The following ADGRA3 variants were observed in gnomAD, a reference collection of about 807,000 sequenced individuals.
ADGRA3 encodes the protein adhesion G protein-coupled receptor A3.
In ADGRA3, 56 loss-of-function variants were observed where a neutral mutation model predicts 119.8. That is an observed-to-expected ratio of 0.47 (90% CI 0.38 to 0.58). ADGRA3 has a LOEUF of 0.58. Among genes scored for constraint, ADGRA3 ranks in the 20% least tolerant of loss-of-function variants. The pLI is 0.00. For missense variants in ADGRA3, 1,516 were observed against 1,649.0 expected, an observed-to-expected ratio of 0.92 and a Z score of 1.40; for synonymous variants, 607 against 623.8, an observed-to-expected ratio of 0.97 and a Z score of 0.40.
rs562864844 is a variant in ADGRA3 at position 22,442,793 on chromosome 4, G to C, written c.777C>G (p.Ser259Arg). Residue 259 changes from serine (S) to arginine (R), a missense_variant, in exon 7 of 19, where the codon AGC becomes AGG. By Grantham distance (110) the Ser-to-Arg change is moderately radical (BLOSUM62 -1). This residue lies in a region of ADGRA3 where 428 missense variants were observed against 541.9 expected (regional missense o/e 0.79). Coordinates refer to ENST00000334304, the MANE Select transcript of ADGRA3 (RefSeq NM_145290.4). Reference sequence around the variant, plus strand: ...ATGAAGCCATGCACTGGAAAGGAAGGCTGTCTCCTTCAAACACAACTTGGC... The same window carrying C: ...ATGAAGCCATGCACTGGAAAGGAAGCCTGTCTCCTTCAAACACAACTTGGC... ...SHRQVVFEGD[S>R]LPFQCMASYI... 2 of 1,612,102 alleles carry C rather than the reference G, an allele frequency of 1.2e-6. No homozygotes were observed. The highest frequency in any genetic ancestry group is 1.7e-6 in the Non-Finnish European group (2 of 1,178,338).
At chr4:22,405,354 A>G (rs559849604) in intron 14 of ADGRA3, among the ~76,000 whole-genome samples, 1 of 152,186 alleles carries the variant, frequency 6.6e-6, no homozygotes, top group South Asian at 2.1e-4. Flanking sequence ...AGCCTGAGCA[A>G]CACAGTGAGA....
chr4:22,451,913 G>C (rs1717058513), intron 4 of ADGRA3, among the ~76,000 whole-genome samples: 1 of 152,060 alleles, frequency 6.6e-6, no homozygotes, highest in Non-Finnish European at 1.5e-5. Flanking sequence ...CTACTCATTG[G>C]ACTGAGAAAA....
intron 2 of ADGRA3, among the ~76,000 whole-genome samples, chr4:22,471,591 A>G (rs1490738160): frequency 6.6e-6 from 1 of 152,188 alleles, no homozygotes; most frequent in Non-Finnish European, 1.5e-5. Flanking sequence ...GACTGAGGCC[A>G]GGACTCCGGT....
Position 22,388,096 on chromosome 4 carries a change from T to C in ADGRA3, c.3575A>G (p.Tyr1192Cys). 1 of 1,614,190 alleles carries C rather than the reference T, an allele frequency of 6.2e-7. No individual in the cohort carries two copies. The highest frequency in any genetic ancestry group is 1.3e-5 in the African/African-American group (1 of 75,074). ...SRLTVLREYA[Y>C]DVPTSVEGSV... ...TCCTTCCACGCTCGTTGGGACATCGTAGGCATATTCTCTCAGGACTGTGAG... is the reference window on the plus strand; with the variant it reads ...TCCTTCCACGCTCGTTGGGACATCGCAGGCATATTCTCTCAGGACTGTGAG... The change falls in exon 19 of 19, where the codon TAC (tyrosine) becomes TGC (cysteine). Residue 1192 changes from tyrosine (Y) to cysteine (C), a missense_variant. Tyr to Cys is a radical substitution (Grantham distance 194). Around this residue, in one of 2 missense-constraint regions of ADGRA3, gnomAD observed 1,088 missense variants for 1,107.1 expected, o/e 0.98. Coordinates refer to ENST00000334304, the MANE Select transcript of ADGRA3 (RefSeq NM_145290.4).
At chr4:22,506,837 G>A (rs1251805514) in intron 1 of ADGRA3, among the ~76,000 whole-genome samples, 1 of 152,088 alleles carries the variant, frequency 6.6e-6, no homozygotes, top group Non-Finnish European at 1.5e-5. Context: ...ATAAATGTAA[G>A]CTAAACTGTA....
At chr4:22,488,788 T>C (rs1718526959) in intron 1 of ADGRA3, among the ~76,000 whole-genome samples, 1 of 151,986 alleles carries the variant, frequency 6.6e-6, no homozygotes, top group African/African-American at 2.4e-5. Context: ...TTACTTTAAT[T>C]CAGTAAACAA....
At chr4:22,414,606 C>T (rs1005975825) in intron 12 of ADGRA3, 20 of 699,112 alleles carry the variant, frequency 2.9e-5, no homozygotes, top group Non-Finnish European at 4.7e-5. Flanking sequence ...CGGAATTTCC[C>T]CTTAAGAAAC....
chr4:22,450,097 A>G (rs1456124929), intron 4 of ADGRA3, among the ~76,000 whole-genome samples: 1 of 152,164 alleles, frequency 6.6e-6, no homozygotes, highest in African/African-American at 2.4e-5. Context: ...ATATTTTACA[A>G]CATTACAATC....
rs1404593745 is a variant in ADGRA3 at position 22,503,349 on chromosome 4, TAAGAA to T, written c.257+12174_257+12178del. On this transcript the variant is annotated intron_variant, in intron 1 of 18. Coordinates refer to ENST00000334304, the MANE Select transcript of ADGRA3 (RefSeq NM_145290.4). ...AGTCAATCTCTCTTTGCCTTTCTCA[TAAGAA>T]AAGAATCAGGAAGAATTGCACAATA... Among the ~76,000 whole-genome samples the T allele has an allele frequency of 2.0e-5, 3 of 152,208 alleles. No individual in the cohort carries two copies. In the East Asian group the frequency reaches 5.8e-4, roughly 29 times the overall value.
At chr4:22,506,447 G>A (rs928056528) in intron 1 of ADGRA3, among the ~76,000 whole-genome samples, 1 of 152,120 alleles carries the variant, frequency 6.6e-6, no homozygotes, top group African/African-American at 2.4e-5. Context: ...CAGCTACTCG[G>A]GAAGCTGAGG....
At chr4:22,446,085 CAAT>C (rs1336366046) in intron 5 of ADGRA3, among the ~76,000 whole-genome samples, 9 of 152,130 alleles carry the variant, frequency 5.9e-5, no homozygotes, top group African/African-American at 1.9e-4. Flanking sequence ...CAACAAAGTG[CAAT>C]AATGTTTAAG....
intron 11 of ADGRA3, 82 bp downstream of exon 11, chr4:22,424,109 G>C (rs771708177): frequency 4.0e-5 from 48 of 1,187,146 alleles, no homozygotes; most frequent in Non-Finnish European, 5.4e-5. Flanking sequence ...CCCCATAATG[G>C]AGAAGACACC....
intron 10 of ADGRA3, among the ~76,000 whole-genome samples, chr4:22,425,991 A>T (rs1715916847): frequency 6.6e-6 from 1 of 152,212 alleles, no homozygotes; most frequent in Admixed American, 6.5e-5. Flanking sequence ...ACAGATAATA[A>T]TAGTCCTGTC....
chr4:22,412,182 T>G (rs1039806403), intron 14 of ADGRA3, among the ~76,000 whole-genome samples: 1 of 152,170 alleles, frequency 6.6e-6, no homozygotes, highest in Non-Finnish European at 1.5e-5. Flanking sequence ...CAGAGTAACC[T>G]CAAACCATTT....
intron 7 of ADGRA3, among the ~76,000 whole-genome samples, chr4:22,439,929 A>T (rs540515085): frequency 4.1e-4 from 62 of 152,290 alleles, no homozygotes; most frequent in African/African-American, 1.4e-3. Context: ...TCTATATTCA[A>T]ATACTTTAGT....
At chr4:22,508,532 C>A (rs115443236) in intron 1 of ADGRA3, among the ~76,000 whole-genome samples, 458 of 152,318 alleles carry the variant, frequency 3.0e-3, no homozygotes, top group African/African-American at 0.01. Context: ...AGAAATCAGG[C>A]TGCAGATGTA....
At chr4:22,476,613 C>G (rs181858027) in intron 1 of ADGRA3, among the ~76,000 whole-genome samples, 2 of 151,018 alleles carry the variant, frequency 1.3e-5, no homozygotes, top group African/African-American at 2.4e-5. Flanking sequence ...TCAAAATGAT[C>G]GCTATTTTAG....
Position 22,388,388 on chromosome 4 carries a change from C to T in ADGRA3, c.3283G>A (p.Glu1095Lys). The change falls in exon 19 of 19, where the codon GAG becomes AAG. Residue 1095 changes from glutamate to lysine, a missense_variant. Coordinates refer to ENST00000334304, the MANE Select transcript of ADGRA3 (RefSeq NM_145290.4). ...EAPKCPNSSA[E>K]SSCTNKSASS... is the part of the protein sequence containing the mutation. ...GCACTTTTGTTTGTGCATGAAGACTCCGCACTGCTATTGGGGCATTTGGGT... is the reference window on the plus strand; with the variant it reads ...GCACTTTTGTTTGTGCATGAAGACTTCGCACTGCTATTGGGGCATTTGGGT... 6.2e-7 allele frequency: 1 copy of T among 1,614,040 alleles called. No individual in the cohort carries two copies. The highest frequency in any genetic ancestry group is 8.5e-7 in the Non-Finnish European group (1 of 1,179,988).
rs1321573051 is a variant in ADGRA3, at chr4:22,515,728, GAGCGGCAGCAAC to G, written c.45_56del (p.Leu16_Leu19del). On this transcript the variant is annotated inframe_deletion, in exon 1 of 19. Coordinates refer to ENST00000334304, the MANE Select transcript of ADGRA3 (RefSeq NM_145290.4). The stretch of plus-strand genomic sequence containing the variant: ...GCAGCGCGAGCAGCGCTAACAGCGA[GAGCGGCAGCAAC>G]AGCGGCGGCTGCGCGCGGCCCCGCC... 2 of 1,052,736 alleles carry G rather than the reference GAGCGGCAGCAAC, an allele frequency of 1.9e-6. No homozygotes were observed. Among genetic ancestry groups the G allele is most frequent in the Non-Finnish European group, 2.3e-6 (2 of 878,648 alleles). 65.2% of individuals were successfully genotyped at this position (1,052,736 alleles called of 1,614,324 possible).
Sources: allele counts gnomAD v4.1 joint callset (sites outside exome capture counted in the v4.1 genomes callset), GRCh38; gene constraint gnomAD v4.1.1; regional missense constraint gnomAD v4.1.1; transcripts MANE v1.5; gene names NCBI Gene and HGNC (gene_info 2026-07-23, HGNC 2026-07-21).